USP42: variants seen among roughly 807,000 people sequenced by gnomAD.
USP42 encodes ubiquitin carboxyl-terminal hydrolase 42.
In USP42, 23 loss-of-function variants were observed where a neutral mutation model predicts 113.0. That is an observed-to-expected ratio of 0.20 (90% CI 0.15 to 0.29). The LOEUF (loss-of-function observed/expected upper bound fraction) is 0.29. USP42 is among the 10% of genes least tolerant of loss of function. The pLI, the probability that USP42 is intolerant of heterozygous loss-of-function variation, is 1.00. For synonymous variants in USP42, 933 were observed against 699.0 expected, an observed-to-expected ratio of 1.33 and a Z score of -5.28; for missense variants, 2,174 against 1,779.8, an observed-to-expected ratio of 1.22 and a Z score of -3.99.
In USP42 at chr7:6,161,211, CTT is replaced by C. The variant is rs1451392035; in HGVS notation, c.*697_*698del. On this transcript the variant is annotated 3_prime_UTR_variant, in exon 18 of 18. Coordinates refer to ENST00000306177, the MANE Select transcript of USP42 (RefSeq NM_032172.3). ...GACAGTATGTTTCTATTACACAACA[CTT>C]TTTGATACAGCGTCTCTTGTCTTCA... 1.3e-5 allele frequency: 2 copies of C among 152,592 alleles called. No individual in the cohort carries two copies. Among genetic ancestry groups the C allele is most frequent in the African/African-American group, 2.4e-5 (1 of 41,434 alleles). 9.5% of individuals were successfully genotyped at this position (152,592 alleles called of 1,614,324 possible). A position where few individuals can be genotyped will look rare whatever the true frequency, so the allele number is the denominator to read the frequency against.
chr7:6,100,630 C>G (rs899008901), upstream of USP42, among the ~76,000 whole-genome samples: 1 of 149,638 alleles, frequency 6.7e-6, no homozygotes, highest in African/African-American at 2.5e-5. Context: ...GTGCCTGGCA[C>G]CTGGACATTT....
intron 3 of USP42, among the ~76,000 whole-genome samples, chr7:6,131,721 C>T (rs1780861778): frequency 6.6e-6 from 1 of 152,150 alleles, no homozygotes; most frequent in South Asian, 2.1e-4. Flanking sequence ...CCAGGAAACT[C>T]ACCACCATGT....
At chr7:6,109,333 C>T (rs531172313) in intron 1 of USP42, among the ~76,000 whole-genome samples, 2 of 152,286 alleles carry the variant, frequency 1.3e-5, no homozygotes, top group Admixed American at 1.3e-4. Context: ...GAAGTCCAGA[C>T]ATTAAGATGT....
At position 6,149,876 on chromosome 7, in the gene USP42, T is replaced by A. The variant is rs1448244324; in HGVS notation, c.1680T>A (p.Asn560Lys). The A allele has an allele frequency of 1.9e-6, 3 of 1,613,944 alleles. No individual in the cohort carries two copies. The African/African-American group carries it at 4.0e-5, about 22-fold the overall frequency. Residue 560 changes from asparagine (N) to lysine (K), a missense_variant, in exon 13 of 18, where the codon AAT becomes AAA. Coordinates refer to ENST00000306177, the MANE Select transcript of USP42 (RefSeq NM_032172.3). ...CCGTTCCCTCTTCTACCATTACCAA[T>A]TCTGCAGTACAGTCTACCTCGAACG... The part of the protein sequence containing the change: ...TKPVPSSTIT[N>K]SAVQSTSNAS...
intron 3 of USP42, among the ~76,000 whole-genome samples, chr7:6,132,378 G>A (rs1367149648): frequency 6.6e-6 from 1 of 151,870 alleles, no homozygotes; most frequent in Non-Finnish European, 1.5e-5. Flanking sequence ...GTTTTTTTGA[G>A]ACTGAGTTTC....
upstream of USP42, among the ~76,000 whole-genome samples, chr7:6,102,885 G>A (rs1790170735): frequency 6.6e-6 from 1 of 151,156 alleles, no homozygotes; most frequent in Admixed American, 6.6e-5. Context: ...AGCCACTGTA[G>A]GGTGGGGAGT....
intron 3 of USP42, among the ~76,000 whole-genome samples, chr7:6,119,123 G>T (rs1780073511): frequency 1.3e-5 from 2 of 152,034 alleles, no homozygotes; most frequent in Non-Finnish European, 2.9e-5. Flanking sequence ...GCTGAGGCAG[G>T]AGGATTGCTT....
chr7:6,101,229 C>G (rs1790118823), upstream of USP42, among the ~76,000 whole-genome samples: 1 of 151,000 alleles, frequency 6.6e-6, no homozygotes, highest in Non-Finnish European at 1.5e-5. Flanking sequence ...GGGATGGAAG[C>G]ATCCGCCAGT....
chr7:6,102,508 TC>T (rs1790157290), upstream of USP42, among the ~76,000 whole-genome samples: 2 of 146,596 alleles, frequency 1.4e-5, no homozygotes. Context: ...ATGCCTGTAA[TC>T]CCAGCACTTT....
chr7:6,114,338 AT>A (rs1397340676), intron 2 of USP42, among the ~76,000 whole-genome samples: 3 of 152,140 alleles, frequency 2.0e-5, no homozygotes, highest in Admixed American at 2.0e-4. Context: ...TGTATTATTT[AT>A]TTTTTAAATG....
intron 3 of USP42, among the ~76,000 whole-genome samples, chr7:6,120,756 G>A (rs1200891468): frequency 6.6e-6 from 1 of 151,600 alleles, no homozygotes; most frequent in Non-Finnish European, 1.5e-5. Flanking sequence ...GCTAATTTTT[G>A]TATTTTTAGT....
At chr7:6,107,345 A>G (rs1295630901) in intron 1 of USP42, among the ~76,000 whole-genome samples, 1 of 151,630 alleles carries the variant, frequency 6.6e-6, no homozygotes, top group East Asian at 1.9e-4. Context: ...GTTACTGTAA[A>G]TAAGGCTGGA....
At chr7:6,114,664 A>G (rs1779792338) in intron 2 of USP42, among the ~76,000 whole-genome samples, 2 of 40,912 alleles carry the variant, frequency 4.9e-5, no homozygotes, top group East Asian at 1.7e-3. Context: ...GTGTATATAT[A>G]TATATATATA....
At chr7:6,141,190 C>CTTTTTCTTTTCTTTTTTTTTT (rs1781408728) in intron 7 of USP42, among the ~76,000 whole-genome samples, 2 of 129,990 alleles carry the variant, frequency 1.5e-5, no homozygotes, top group Non-Finnish European at 3.3e-5. Flanking sequence ...TTTGAATTTT[C>CTTTTTCTTTTCTTTTTTTTTT]TTTTTCTTTT....
At chr7:6,097,064 G>T in the USP42 span, among the ~76,000 whole-genome samples, 1 of 150,798 alleles carries the variant, frequency 6.6e-6, no homozygotes, top group South Asian at 2.1e-4. Context: ...ATGCCACCAT[G>T]CCTGGCTAAT....
rs965031404 is a variant in USP42, at chr7:6,159,701, C to T, written c.*36+208C>T. ...TAGACCCTCCACCTCATCACGTTTG[C>T]ATTACTGGCTGGGGAAGACCCGCAT... is the stretch of plus-strand genomic sequence containing the variant. On this transcript the variant is annotated intron_variant, in intron 17 of 17. Coordinates refer to ENST00000306177, the MANE Select transcript of USP42 (RefSeq NM_032172.3). This position sits in a 1 kb window ranked among gnomAD's most constrained non-coding sequence, Gnocchi z 4.1. Among the ~76,000 whole-genome samples the T allele has an allele frequency of 1.3e-5, 2 of 152,200 alleles. No individual in the cohort carries two copies. The highest frequency in any genetic ancestry group is 4.8e-5 in the African/African-American group (2 of 41,434).
chr7:6,156,093 C>T (rs1024251374), intron 15 of USP42, among the ~76,000 whole-genome samples: 6 of 152,128 alleles, frequency 3.9e-5, no homozygotes, highest in Non-Finnish European at 8.8e-5. Context: ...TTGAAAATGA[C>T]GTATCCATGA....
At chr7:6,155,813 G>A (rs1782416827) in intron 15 of USP42, among the ~76,000 whole-genome samples, 1 of 152,160 alleles carries the variant, frequency 6.6e-6, no homozygotes, top group Non-Finnish European at 1.5e-5. Flanking sequence ...GTGCAGTGAT[G>A]CCATCATAAC....
chr7:6,126,985 CAACAT>C (rs965428076), intron 3 of USP42, among the ~76,000 whole-genome samples: 3 of 152,320 alleles, frequency 2.0e-5, no homozygotes, highest in Admixed American at 6.5e-5. Flanking sequence ...GCATCTTTGC[CAACAT>C]TTGCTGTTGT....
Sources: allele counts gnomAD v4.1 joint callset (sites outside exome capture counted in the v4.1 genomes callset), GRCh38; gene constraint gnomAD v4.1.1; non-coding constraint Gnocchi (gnomAD v3.1); transcripts MANE v1.5; gene names NCBI Gene and HGNC (gene_info 2026-07-23, HGNC 2026-07-21).